Variants in DCHS2 observed in about 807,000 individuals in gnomAD.
DCHS2 encodes the protein dachsous cadherin-related 2, also known as protocadherin-23.
Under a neutral mutation model 182.4 loss-of-function variants are expected in DCHS2, and 142 were observed. That is an observed-to-expected ratio of 0.78 (90% CI 0.68 to 0.89). The LOEUF is 0.89. DCHS2 is among the 40% of genes least tolerant of loss of function. The pLI is 0.00. For synonymous variants in DCHS2, 1,740 were observed against 1,663.3 expected (o/e 1.05, Z -1.12); for missense variants, 4,319 against 4,198.6 (o/e 1.03, Z -0.79).
At position 154,232,919 on chromosome 4, in the gene DCHS2, C is replaced by T. The variant is rs1324406818; in HGVS notation, c.*1617G>A. On this transcript the variant is annotated 3_prime_UTR_variant, in exon 20 of 20. Transcript: ENST00000357232. Reference sequence around the variant, plus strand: ...TAATATAGCTTTATACATTTGTTCCCAATCTCAGTCAGCATAGATAGATAA... The same window carrying T: ...TAATATAGCTTTATACATTTGTTCCTAATCTCAGTCAGCATAGATAGATAA... The T allele has an allele frequency of 6.6e-6, 1 of 152,000 alleles. No individual in the cohort carries two copies. The highest frequency in any genetic ancestry group is 1.5e-5 in the Non-Finnish European group (1 of 67,994). 9.4% of individuals were successfully genotyped at this position (152,000 alleles called of 1,614,324 possible).
chr4:154,390,468 C>T (rs1356173875), intron 1 of DCHS2, among the ~76,000 whole-genome samples: 1 of 151,818 alleles, frequency 6.6e-6, no homozygotes, highest in Admixed American at 6.6e-5. Context: ...GACTAATGCT[C>T]AAAAGTTACC....
chr4:154,455,060 T>C (rs1048903834), intron 1 of DCHS2, among the ~76,000 whole-genome samples: 4 of 152,210 alleles, frequency 2.6e-5, no homozygotes, highest in African/African-American at 9.6e-5. Context: ...AAAATGCACA[T>C]ATAAACTTTC....
intron 14 of DCHS2, among the ~76,000 whole-genome samples, chr4:154,260,922 AG>A (rs1732958058): frequency 6.6e-6 from 1 of 152,156 alleles, no homozygotes. Flanking sequence ...GCCATACTCT[AG>A]TTTCCCCCAC....
Position 154,490,366 on chromosome 4 carries a change from G to T in DCHS2, c.990C>A (p.Phe330Leu), listed in dbSNP as rs1728768516. The T allele has an allele frequency of 2.0e-6, 3 of 1,537,180 alleles. No individual in the cohort carries two copies. The highest frequency in any genetic ancestry group is 2.6e-6 in the Non-Finnish European group (3 of 1,145,270). ...GCCGGGCGCGGACGCTGTAGCGCAC[G>T]AAGCCATTGGGCCCCAGGTCGCGGT... ...ATDRDLGPNG[F>L]VRYSVRARQV... Residue 330 changes from phenylalanine (F) to leucine (L), a missense_variant, in exon 1 of 20, where the codon TTC (phenylalanine) becomes TTA (leucine). Phe to Leu is a conservative substitution (Grantham distance 22, BLOSUM62 0). Coordinates refer to ENST00000357232, the MANE Select transcript of DCHS2 (RefSeq NM_001358235.2).
chr4:154,409,524 G>A (rs1461851490), intron 1 of DCHS2, among the ~76,000 whole-genome samples: 1 of 152,148 alleles, frequency 6.6e-6, no homozygotes, highest in East Asian at 1.9e-4. Context: ...CTGGCCTCCT[G>A]AGCCTGAGCT....
chr4:154,438,920 G>A (rs979222293), intron 1 of DCHS2, among the ~76,000 whole-genome samples: 1 of 152,120 alleles, frequency 6.6e-6, no homozygotes, highest in African/African-American at 2.4e-5. Context: ...AAAGAGTTGG[G>A]CTCATGTCCA....
intron 1 of DCHS2, among the ~76,000 whole-genome samples, chr4:154,420,843 C>T (rs997116510): frequency 5.3e-5 from 8 of 152,134 alleles, no homozygotes; most frequent in African/African-American, 1.9e-4. Context: ...ACCATCACAC[C>T]CTCATAGTAG....
chr4:154,312,302 C>T (rs1735699320), intron 10 of DCHS2, among the ~76,000 whole-genome samples: 1 of 152,128 alleles, frequency 6.6e-6, no homozygotes, highest in Non-Finnish European at 1.5e-5. Context: ...TCCTTATGTG[C>T]CCCTGGATTA....
At position 154,417,167 on chromosome 4, in the gene DCHS2, G is replaced by C. The variant is rs926901898; in HGVS notation, c.2053-39723C>G. Among the ~76,000 whole-genome samples, 3 of 57,752 alleles carry C rather than the reference G, an allele frequency of 5.2e-5. No homozygotes were observed. The Admixed American group carries it at 5.3e-4, about 10-fold the overall frequency. The allele number at this position is 57,752 out of a possible 152,430, so 37.9% of individuals were successfully genotyped here. A position where few individuals can be genotyped will look rare whatever the true frequency, so the allele number is the denominator to read the frequency against. On this transcript the variant is annotated intron_variant, in intron 1 of 19. Transcript: ENST00000357232. Reference sequence around the variant, plus strand: ...CCTCAGGCCGGTCCCGAGTGTGTGTGTGTGTGTGTGTGTGTGTGTGTGTGT... The same window carrying C: ...CCTCAGGCCGGTCCCGAGTGTGTGTCTGTGTGTGTGTGTGTGTGTGTGTGT...
chr4:154,270,183 T>C (rs983729109), intron 13 of DCHS2, among the ~76,000 whole-genome samples, 170 bp from the exon 14 acceptor site: 5 of 152,162 alleles, frequency 3.3e-5, no homozygotes, highest in African/African-American at 1.2e-4. Flanking sequence ...GTGCTAGGGA[T>C]ATACTAGCAA....
At chr4:154,282,508 A>T (rs936377602) in intron 13 of DCHS2, among the ~76,000 whole-genome samples, 1 of 152,086 alleles carries the variant, frequency 6.6e-6, no homozygotes, top group East Asian at 1.9e-4. Context: ...AAAATTAAAA[A>T]AAAAACAGAA....
chr4:154,382,797 A>G (rs1272871219), intron 1 of DCHS2, among the ~76,000 whole-genome samples: 1 of 152,198 alleles, frequency 6.6e-6, no homozygotes, highest in Non-Finnish European at 1.5e-5. Context: ...CCACAATGAG[A>G]TGTCATCTTG....
chr4:154,337,193 A>G (rs1728850819), intron 3 of DCHS2, among the ~76,000 whole-genome samples: 1 of 152,178 alleles, frequency 6.6e-6, no homozygotes, highest in South Asian at 2.1e-4. Flanking sequence ...GAAAAATAAA[A>G]CTTGAATATA....
intron 1 of DCHS2, among the ~76,000 whole-genome samples, chr4:154,400,335 A>G (rs1732118063): frequency 7.0e-6 from 1 of 142,308 alleles, no homozygotes; most frequent in Non-Finnish European, 1.5e-5. Context: ...GGCTTTCAAG[A>G]CTAGCCCTTA....
intron 16 of DCHS2, among the ~76,000 whole-genome samples, chr4:154,245,911 G>A (rs1732047828): frequency 6.6e-6 from 1 of 152,142 alleles, no homozygotes; most frequent in South Asian, 2.1e-4. Context: ...TGATAATGAT[G>A]TGTCAGTGTA....
chr4:154,443,316 C>A (rs1429916281), intron 1 of DCHS2, among the ~76,000 whole-genome samples: 1 of 152,134 alleles, frequency 6.6e-6, no homozygotes, highest in African/African-American at 2.4e-5. Flanking sequence ...ATCGAAGCTA[C>A]CTGGAAAATA....
chr4:154,370,947 A>G (rs1397254377), intron 2 of DCHS2, among the ~76,000 whole-genome samples: 1 of 152,200 alleles, frequency 6.6e-6, no homozygotes, highest in Non-Finnish European at 1.5e-5. Flanking sequence ...ATTAAAGTGG[A>G]CGTGCTACAG....
intron 1 of DCHS2, among the ~76,000 whole-genome samples, chr4:154,412,461 C>A (rs1334206913): frequency 6.6e-6 from 1 of 152,160 alleles, no homozygotes; most frequent in East Asian, 1.9e-4. Flanking sequence ...AATGTTTCCA[C>A]TGAGTGGAAG....
At chr4:154,260,592 G>A (rs888455843) in intron 14 of DCHS2, among the ~76,000 whole-genome samples, 3 of 152,130 alleles carry the variant, frequency 2.0e-5, no homozygotes, top group African/African-American at 7.2e-5. Flanking sequence ...CACGCATGCG[G>A]TTCCATCAGC....
Sources: allele counts gnomAD v4.1 joint callset (sites outside exome capture counted in the v4.1 genomes callset), GRCh38; gene constraint gnomAD v4.1.1; transcripts MANE v1.5; gene names NCBI Gene and HGNC (gene_info 2026-07-23, HGNC 2026-07-21).